The following MACROD2 variants were observed in gnomAD, a reference collection of about 807,000 sequenced individuals.
The protein encoded by MACROD2 is mono-ADP ribosylhydrolase 2, also known as ADP-ribose glycohydrolase MACROD2.
Under a neutral mutation model 70.4 loss-of-function variants are expected in MACROD2, and 36 were observed. The observed-to-expected ratio is 0.51, with a 90% CI of 0.39 to 0.68. MACROD2 has a LOEUF of 0.68. Among genes scored for constraint, MACROD2 ranks in the 30% least tolerant of loss-of-function variants. MACROD2 has a pLI of 0.00. For missense variants in MACROD2, 496 were observed against 538.4 expected (o/e 0.92, Z 0.78); for synonymous variants, 172 against 178.8 (o/e 0.96, Z 0.30).
At chr20:14,770,598 T>C (rs562779696) in intron 5 of MACROD2, among the ~76,000 whole-genome samples, 1 of 152,220 alleles carries the variant, frequency 6.6e-6, no homozygotes, top group South Asian at 2.1e-4. Context: ...TCTAGAATAT[T>C]TTATGATGAT....
At chr20:15,021,529 T>TAC (rs1438490603) in intron 5 of MACROD2, 1 of 151,220 alleles carries the variant, frequency 6.6e-6, no homozygotes, top group African/African-American at 2.4e-5. Flanking sequence ...TGTATATATA[T>TAC]ACATATGTAT....
Position 14,222,053 on chromosome 20 carries a change from A to G in MACROD2, c.271+136325A>G, listed in dbSNP as rs1041422940. ...ATTGGTAGGAATGTAAATGAGTGCA[A>G]CCTCTATGGAAATCAGTATGGGGAT... On this transcript the variant is annotated intron_variant, in intron 3 of 17. Coordinates refer to ENST00000684519, the MANE Select transcript of MACROD2 (RefSeq NM_001351661.2). Among the ~76,000 whole-genome samples, 6 of 152,320 alleles carry G rather than the reference A, an allele frequency of 3.9e-5. No individual in the cohort carries two copies. In the South Asian group the frequency reaches 1.2e-3, roughly 32 times the overall value.
intron 3 of MACROD2, among the ~76,000 whole-genome samples, chr20:14,149,588 T>C (rs2054989582): frequency 6.6e-6 from 1 of 152,180 alleles, no homozygotes; most frequent in Non-Finnish European, 1.5e-5. Context: ...CTGAACTAAT[T>C]TACATTCTCA....
intron 2 of MACROD2, among the ~76,000 whole-genome samples, chr20:14,036,503 A>G (rs2053312146): frequency 6.6e-6 from 1 of 152,170 alleles, no homozygotes; most frequent in Non-Finnish European, 1.5e-5. Flanking sequence ...GAGAGATGTT[A>G]TATTCATCTC....
chr20:14,992,567 A>T (rs1465091886), intron 5 of MACROD2, among the ~76,000 whole-genome samples: 6 of 152,178 alleles, frequency 3.9e-5, no homozygotes, highest in Admixed American at 3.9e-4. Context: ...AAGTAATGTG[A>T]TATGGCCTTT....
chr20:15,739,755 T>C (rs2423986), intron 8 of MACROD2, among the ~76,000 whole-genome samples: 16 of 152,112 alleles, frequency 1.1e-4, no homozygotes, highest in South Asian at 2.1e-4. Flanking sequence ...GTAGAAAGAT[T>C]ACATGACAGA....
chr20:15,078,217 C>A (rs1047277041), intron 5 of MACROD2, among the ~76,000 whole-genome samples: 1 of 151,990 alleles, frequency 6.6e-6, no homozygotes, highest in Non-Finnish European at 1.5e-5. Context: ...AAGTTAAAAG[C>A]GGCCAAAGAG....
chr20:14,474,354 A>G (rs2084565128), intron 3 of MACROD2, among the ~76,000 whole-genome samples: 1 of 152,158 alleles, frequency 6.6e-6, no homozygotes, highest in South Asian at 2.1e-4. Context: ...TACAATTTCA[A>G]TTTTTAAAAT....
chr20:14,485,725 A>G (rs34011973), intron 3 of MACROD2, among the ~76,000 whole-genome samples: 1 of 123,388 alleles, frequency 8.1e-6, no homozygotes, highest in Non-Finnish European at 1.7e-5. Context: ...AAAAAAAAAG[A>G]CCATGGAGAA....
chr20:14,790,372 G>T (rs1184714012), intron 5 of MACROD2, among the ~76,000 whole-genome samples: 2 of 151,986 alleles, frequency 1.3e-5, no homozygotes, highest in African/African-American at 2.4e-5. Context: ...TTTTGAGTAG[G>T]TATACATTGG....
chr20:15,413,790 AG>A (rs1849755904), intron 6 of MACROD2, among the ~76,000 whole-genome samples: 1 of 152,160 alleles, frequency 6.6e-6, no homozygotes, highest in African/African-American at 2.4e-5. Flanking sequence ...TAGTCTTTAG[AG>A]GTAGTTCTCA....
chr20:15,398,815 A>G (rs1163890017), intron 6 of MACROD2, among the ~76,000 whole-genome samples: 3 of 151,834 alleles, frequency 2.0e-5, no homozygotes, highest in African/African-American at 4.8e-5. Flanking sequence ...GTTCTGTTTT[A>G]TTTTGTTTTG....
intron 4 of MACROD2, among the ~76,000 whole-genome samples, chr20:14,515,469 A>ACACGCGCACGCGCGCGCGCGCG (rs759399680): frequency 7.0e-6 from 1 of 143,656 alleles, no homozygotes; most frequent in African/African-American, 2.7e-5. Flanking sequence ...ACACACGCAC[A>ACACGCGCACGCGCGCGCGCGCG]CACACACACA....
At chr20:14,010,861 G>T (rs1371018355) in intron 2 of MACROD2, among the ~76,000 whole-genome samples, 1 of 152,114 alleles carries the variant, frequency 6.6e-6, no homozygotes, top group Non-Finnish European at 1.5e-5. Context: ...CATAAATTCT[G>T]TGAAGCCATG....
intron 5 of MACROD2, among the ~76,000 whole-genome samples, chr20:14,988,654 G>T (rs977780648): frequency 9.2e-5 from 14 of 152,098 alleles, no homozygotes; most frequent in African/African-American, 3.4e-4. Flanking sequence ...TATCTGAGAG[G>T]TTACTCATCA....
At chr20:15,167,022 AG>A (rs1285241983) in intron 5 of MACROD2, among the ~76,000 whole-genome samples, 1 of 151,564 alleles carries the variant, frequency 6.6e-6, no homozygotes, top group Non-Finnish European at 1.5e-5. Flanking sequence ...ATTTAAATTT[AG>A]GGGAAAAATA....
chr20:14,836,085 ACAAT>A (rs1200488346), intron 5 of MACROD2, among the ~76,000 whole-genome samples: 1 of 152,060 alleles, frequency 6.6e-6, no homozygotes, highest in Non-Finnish European at 1.5e-5. Flanking sequence ...TTAGACAAAA[ACAAT>A]CAAACAAACA....
intron 3 of MACROD2, among the ~76,000 whole-genome samples, chr20:14,385,160 A>G (rs2083456942): frequency 6.6e-6 from 1 of 152,140 alleles, no homozygotes; most frequent in Admixed American, 6.5e-5. Flanking sequence ...CAATGGAGAA[A>G]AAGTTCTTTC....
At chr20:15,079,104 G>A (rs1263160995) in intron 5 of MACROD2, among the ~76,000 whole-genome samples, 2 of 152,066 alleles carry the variant, frequency 1.3e-5, no homozygotes, top group African/African-American at 4.8e-5. Flanking sequence ...ATCATTTGCA[G>A]ACTATTTTTC....
Sources: allele counts gnomAD v4.1 joint callset (sites outside exome capture counted in the v4.1 genomes callset), GRCh38; gene constraint gnomAD v4.1.1; transcripts MANE v1.5; gene names NCBI Gene and HGNC (gene_info 2026-07-23, HGNC 2026-07-21).